GPM6A: variants seen among roughly 807,000 people sequenced by gnomAD.
GPM6A encodes the protein neuronal membrane glycoprotein M6-a.
A neutral mutation model predicts 32.1 loss-of-function variants in GPM6A; 7 were observed. The ratio of observed to expected loss-of-function variants is 0.22; its 90% confidence interval spans 0.12 to 0.41. The LOEUF is 0.41. GPM6A is among the 10% of genes least tolerant of loss of function. GPM6A has a pLI of 1.00. For missense variants in GPM6A, 235 were observed against 347.2 expected, an observed-to-expected ratio of 0.68 and a Z score of 2.57; for synonymous variants, 130 against 123.4, an observed-to-expected ratio of 1.05 and a Z score of -0.35.
chr4:175,932,237 T>C (rs939804665), intron 1 of GPM6A, among the ~76,000 whole-genome samples: 4 of 152,178 alleles, frequency 2.6e-5, no homozygotes, highest in African/African-American at 9.7e-5. Flanking sequence ...AGACGGGGCC[T>C]TTAAGAAGTA....
rs1745524846 is a variant in GPM6A, at chr4:175,711,420, A to ATATATATG, written c.38-9654_38-9653insCATATATA. 2.2e-4 allele frequency among the ~76,000 whole-genome samples: 7 copies of ATATATATG among 32,414 alleles called. No homozygotes were observed. The Admixed American group carries it at 3.1e-3, about 14-fold the overall frequency. 21.3% of individuals were successfully genotyped at this position (32,414 alleles called of 152,430 possible). A position where few individuals can be genotyped will look rare whatever the true frequency, so the allele number is the denominator to read the frequency against. On this transcript the variant is annotated intron_variant, in intron 1 of 6. Transcript: ENST00000393658. ...ACACTGGCACACCAAATATATATAT[A>ATATATATG]TATATATATATATATATATATATAT...
At chr4:175,767,073 G>A (rs538282931) in intron 1 of GPM6A, among the ~76,000 whole-genome samples, 2 of 152,272 alleles carry the variant, frequency 1.3e-5, no homozygotes, top group Non-Finnish European at 2.9e-5. Context: ...GCAGTAAAAC[G>A]TAAGGACTAC....
chr4:175,900,285 A>AG (rs1737917473), intron 1 of GPM6A, among the ~76,000 whole-genome samples: 1 of 149,852 alleles, frequency 6.7e-6, no homozygotes, highest in South Asian at 2.1e-4. Context: ...AAAAAAAAAA[A>AG]AGAGAGAAGA....
intron 1 of GPM6A, among the ~76,000 whole-genome samples, chr4:175,834,225 T>G (rs1735696958): frequency 6.6e-6 from 1 of 152,138 alleles, no homozygotes. Context: ...TGCTATAGAA[T>G]GTCCCTACGC....
chr4:175,674,177 GTTAT>G (rs956667816), intron 2 of GPM6A, among the ~76,000 whole-genome samples: 2 of 151,974 alleles, frequency 1.3e-5, no homozygotes, highest in African/African-American at 4.8e-5. Flanking sequence ...TTTTTATTTA[GTTAT>G]TTATTTATTT....
intron 1 of GPM6A, among the ~76,000 whole-genome samples, chr4:175,968,544 C>T (rs924767132): frequency 2.0e-5 from 3 of 152,106 alleles, no homozygotes; most frequent in African/African-American, 7.2e-5. Flanking sequence ...TAATGACTGG[C>T]ATCCAAAATA....
At chr4:175,723,514 A>G (rs751671807) in intron 1 of GPM6A, among the ~76,000 whole-genome samples, 7 of 152,166 alleles carry the variant, frequency 4.6e-5, no homozygotes, top group Non-Finnish European at 8.8e-5. Flanking sequence ...AGATGCTATA[A>G]TACTAAAAGG....
At chr4:175,851,001 C>T (rs910028343) in intron 1 of GPM6A, among the ~76,000 whole-genome samples, 5 of 151,988 alleles carry the variant, frequency 3.3e-5, no homozygotes, top group African/African-American at 7.2e-5. Context: ...AAATATTCTT[C>T]CTAGGATACA....
intron 1 of GPM6A, among the ~76,000 whole-genome samples, chr4:175,844,592 T>C (rs1736034189): frequency 6.6e-6 from 1 of 152,192 alleles, no homozygotes; most frequent in Non-Finnish European, 1.5e-5. Flanking sequence ...AACTATTGCA[T>C]GTTTGCTTTT....
intron 3 of GPM6A, among the ~76,000 whole-genome samples, chr4:175,670,533 CAT>C (rs1420313281): frequency 6.6e-6 from 1 of 152,164 alleles, no homozygotes; most frequent in Non-Finnish European, 1.5e-5. Context: ...TAGTCAATAA[CAT>C]GTATTTGTAC....
chr4:175,948,839 T>C (rs1739702970), intron 1 of GPM6A, among the ~76,000 whole-genome samples: 1 of 152,146 alleles, frequency 6.6e-6, no homozygotes, highest in African/African-American at 2.4e-5. Context: ...TATCAATTGT[T>C]ACTAGATTGA....
chr4:175,816,960 C>T (rs540624340), upstream of GPM6A, among the ~76,000 whole-genome samples: 10 of 151,898 alleles, frequency 6.6e-5, no homozygotes, highest in African/African-American at 2.2e-4. Flanking sequence ...CCCGGGTTCA[C>T]GCCATTCTCC....
intron 2 of GPM6A, among the ~76,000 whole-genome samples, chr4:175,694,020 G>T (rs73002141): frequency 0.047 from 7,169 of 152,138 alleles, 201 homozygotes; most frequent in Non-Finnish European, 0.063. Flanking sequence ...GTGTAAGATA[G>T]GCCTGTTTCC....
chr4:175,687,888 C>T (rs73020152), intron 2 of GPM6A, among the ~76,000 whole-genome samples: 7,183 of 152,088 alleles, frequency 0.047, 203 homozygotes, highest in Non-Finnish European at 0.063. Flanking sequence ...CTTATAAGTG[C>T]GAGGTGACAG....
In GPM6A at chr4:175,660,354, A is replaced by AGC. The variant is rs953689595; in HGVS notation, c.388-8369_388-8368dup. Among the ~76,000 whole-genome samples the AGC allele has an allele frequency of 5.5e-4, 83 of 152,190 alleles. 1 individual carries two copies. The highest frequency in any genetic ancestry group is 1.8e-3 in the African/African-American group (76 of 41,526). ...AGCCGAGATTGTGCCATTGTACTCCAGCCTGGGTGAGAGAGCAAGACTCCA... is the reference window on the plus strand; with the variant it reads ...AGCCGAGATTGTGCCATTGTACTCCAGCGCCTGGGTGAGAGAGCAAGACTCCA... On this transcript the variant is annotated intron_variant, in intron 3 of 6. Coordinates refer to ENST00000393658, the MANE Select transcript of GPM6A (RefSeq NM_201591.3).
chr4:175,811,427 G>A (rs935898433), intron 1 of GPM6A, among the ~76,000 whole-genome samples: 4 of 152,070 alleles, frequency 2.6e-5, no homozygotes, highest in South Asian at 2.1e-4. Flanking sequence ...CATTTGACAC[G>A]TTAAAACAAT....
chr4:175,764,113 C>T (rs1056317350), intron 1 of GPM6A, among the ~76,000 whole-genome samples: 13 of 152,100 alleles, frequency 8.5e-5, no homozygotes, highest in Non-Finnish European at 1.8e-4. Flanking sequence ...TATCTAATTC[C>T]AGAACGTTTT....
chr4:175,910,475 C>T (rs1031259232), intron 1 of GPM6A, among the ~76,000 whole-genome samples: 1 of 152,110 alleles, frequency 6.6e-6, no homozygotes, highest in Non-Finnish European at 1.5e-5. Context: ...CCTTACTGGG[C>T]TGGTGAATGG....
intron 1 of GPM6A, among the ~76,000 whole-genome samples, chr4:175,772,904 A>C (rs979342950): frequency 2.0e-5 from 3 of 152,192 alleles, no homozygotes; most frequent in Non-Finnish European, 4.4e-5. Context: ...ACATGCTTAA[A>C]ACCCAAAGCA....
Sources: gnomAD v4.1 joint callset for allele counts (sites outside exome capture counted in the v4.1 genomes callset) on GRCh38, gnomAD v4.1.1 for gene constraint, MANE v1.5 for transcripts, NCBI Gene and HGNC (gene_info 2026-07-23, HGNC 2026-07-21) for gene names.